Variants in TSEN34 observed in about 807,000 individuals in gnomAD.
TSEN34 encodes the protein tRNA-splicing endonuclease subunit Sen34.
TSEN34 carries 25 observed loss-of-function variants against 30.2 expected under a neutral mutation model. That is an observed-to-expected ratio of 0.83 (90% CI 0.60 to 1.16). TSEN34 has a LOEUF of 1.16. Ranked by LOEUF, TSEN34 falls within the 50% of genes most tolerant of loss-of-function variation. The pLI, the probability that TSEN34 is intolerant of heterozygous loss-of-function variation, is 0.00. For synonymous variants in TSEN34, 209 were observed against 177.4 expected (o/e 1.18, Z -1.41); for missense variants, 475 against 411.9 (o/e 1.15, Z -1.33).
In TSEN34 at chr19:54,192,262, G is replaced by T. The variant is rs2076737250; in HGVS notation, c.634G>T (p.Ala212Ser). The change falls in exon 3 of 4, where the codon GCC (alanine) becomes TCC (serine). Residue 212 changes from alanine to serine, a missense_variant. Transcript: ENST00000396388. The part of the protein sequence containing the change: ...WRVQSKDWPH[A>S]GRPAHELRYS... ...TGTCCAGTCTAAAGACTGGCCCCAC[G>T]CCGGCCGCCCTGCCCACGAGCTGCG... 1 of 1,613,756 alleles carries T rather than the reference G, an allele frequency of 6.2e-7. No individual in the cohort carries two copies. The highest frequency in any genetic ancestry group is 8.5e-7 in the Non-Finnish European group (1 of 1,179,984).
rs375707998 is a variant in TSEN34 at position 54,194,183 on chromosome 19, A to G, written c.*821A>G. The G allele has an allele frequency of 1.6e-4, 26 of 158,630 alleles. No homozygotes were observed. In the East Asian group the frequency reaches 2.0e-3, roughly 12 times the overall value. The allele number at this position is 158,630 out of a possible 1,614,324, so 9.8% of individuals were successfully genotyped here. On this transcript the variant is annotated 3_prime_UTR_variant, in exon 4 of 4. Transcript: ENST00000396388. The stretch of plus-strand genomic sequence containing the variant: ...AAAAAATATATATATGTGTGTGTGT[A>G]TATATGTAAATATACACACATGTAT...
chr19:54,190,888 G>T (rs865940518), upstream of TSEN34: 6 of 1,044,928 alleles, frequency 5.7e-6, no homozygotes, highest in African/African-American at 1.0e-4. Context: ...GGCCTCGGCG[G>T]TGCCTTAGCC....
At position 54,193,215 on chromosome 19, in the gene TSEN34, C is replaced by T. The variant is rs749845322; in HGVS notation, c.786C>T (p.Cys262=). 8.6e-5 allele frequency: 139 copies of T among 1,614,052 alleles called. 2 individuals are homozygous for T. Among genetic ancestry groups the T allele is most frequent in the Middle Eastern group, 6.7e-4 (4 of 6,008 alleles). The change falls in exon 4 of 4, where the codon TGC becomes TGT. Residue 262 remains cysteine (C), a synonymous_variant. Transcript: ENST00000396388. ...LRFHAHYIAQ[C]WAPEDTIPLQ... ...TCCACGCCCATTATATCGCTCAGTG[C>T]TGGGCCCCTGAGGACACCATCCCAC...
Position 54,191,751 on chromosome 19 carries a change from G to C in TSEN34, c.274G>C (p.Glu92Gln), listed in dbSNP as rs200274242. The change falls in exon 2 of 4, where the codon GAG (glutamate) becomes CAG (glutamine). Residue 92 changes from glutamate (E) to glutamine (Q), a missense_variant. Transcript: ENST00000396388. ...GACATCCTTCAAGCGCCAGCAAGAG[G>C]AGAGCTTCCAGGAGCAGAGCGCCTT... is the stretch of plus-strand genomic sequence containing the variant. ...ALTSFKRQQEESFQEQSALAA... is the reference protein window; with the variant it reads ...ALTSFKRQQEQSFQEQSALAA... 95 of 1,614,182 alleles carry C rather than the reference G, an allele frequency of 5.9e-5. No individual in the cohort carries two copies. Among genetic ancestry groups the C allele is most frequent in the Non-Finnish European group, 7.8e-5 (92 of 1,180,042 alleles).
chr19:54,193,951 C>T lies in TSEN34; in HGVS notation c.*589C>T, dbSNP rs2076802048. ...ACGATGACCCACACCTGTAATCCCA[C>T]AGAACTTTTGGAGGCCAAGGCAGGG... On this transcript the variant is annotated 3_prime_UTR_variant, in exon 4 of 4. Transcript: ENST00000396388. 2.3e-6 allele frequency: 1 copy of T among 442,242 alleles called. No homozygotes were observed. Among genetic ancestry groups the T allele is most frequent in the African/African-American group, 2.0e-5 (1 of 50,026 alleles). 27.4% of individuals were successfully genotyped at this position (442,242 alleles called of 1,614,324 possible).
chr19:54,191,802 C>A lies in TSEN34; in HGVS notation c.325C>A (p.Arg109Ser). Residue 109 changes from arginine (R) to serine (S), a missense_variant, in exon 2 of 4, where the codon CGT becomes AGT. Physicochemically the swap from Arg to Ser is moderately radical, Grantham distance 110. Coordinates refer to ENST00000396388, the MANE Select transcript of TSEN34 (RefSeq NM_001077446.4). ...ALAAEARETRRQELLEKITEG... is the reference protein window; with the variant it reads ...ALAAEARETRSQELLEKITEG... ...GGCAGCTGAGGCCCGGGAGACCCGT[C>A]GTCAGGAGCTCCTGGAGAAGATTAC... 6.2e-7 allele frequency: 1 copy of A among 1,614,186 alleles called. No individual in the cohort carries two copies. Among genetic ancestry groups the A allele is most frequent in the Non-Finnish European group, 8.5e-7 (1 of 1,180,038 alleles).
chr19:54,192,549 A>G (rs527974559), intron 3 of TSEN34, among the ~76,000 whole-genome samples, 176 bp downstream of exon 3: 1 of 151,856 alleles, frequency 6.6e-6, no homozygotes, highest in South Asian at 2.1e-4. Flanking sequence ...AAGTGCTGGA[A>G]TTATAGGCCC....
At chr19:54,192,516 A>T (rs2076749270) in intron 3 of TSEN34, 143 bp downstream of exon 3, 1 of 1,162,984 alleles carries the variant, frequency 8.6e-7, no homozygotes, top group Admixed American at 2.3e-5. Flanking sequence ...GGGCTCAAGC[A>T]ATCCTTCCAC....
At chr19:54,190,803 G>A (rs1184640893), upstream of TSEN34, 1 of 1,089,508 alleles carries the variant, frequency 9.2e-7, no homozygotes, top group East Asian at 5.7e-5. Flanking sequence ...GTCTGAGAGC[G>A]AGGAGGTCCG....
chr19:54,191,123 G>C, upstream of TSEN34: 1 of 1,337,200 alleles, frequency 7.5e-7, no homozygotes, highest in Non-Finnish European at 9.5e-7. Flanking sequence ...GGCGAGGGGA[G>C]AGGGTCGGGG....
chr19:54,190,786 T>C, upstream of TSEN34: 1 of 1,112,982 alleles, frequency 9.0e-7, no homozygotes, highest in Non-Finnish European at 1.1e-6. Context: ...GGTTTTGTAC[T>C]GTGGGAGTCT....
At chr19:54,193,059 T>C in intron 3 of TSEN34, 116 bp from the exon 4 acceptor site, 1 of 1,521,268 alleles carries the variant, frequency 6.6e-7, no homozygotes, top group Admixed American at 1.7e-5. Context: ...AGCATCTGTT[T>C]TAGAGTATCT....
chr19:54,192,209 C>G lies in TSEN34; in HGVS notation c.581C>G (p.Pro194Arg). 1.9e-6 allele frequency: 3 copies of G among 1,614,174 alleles called. No homozygotes were observed. The highest frequency in any genetic ancestry group is 1.1e-5 in the South Asian group (1 of 91,086). Residue 194 changes from proline (P) to arginine (R), a missense_variant, in exon 3 of 4, where the codon CCG becomes CGG. Coordinates refer to ENST00000396388, the MANE Select transcript of TSEN34 (RefSeq NM_001077446.4). ...LVQLATARPRPVKARPLDWRV... is the reference protein window; with the variant it reads ...LVQLATARPRRVKARPLDWRV... Reference sequence around the variant, plus strand: ...CAGCTGGCCACTGCCAGGCCTCGACCGGTCAAGGCCAGGCCCCTGGACTGG... The same window carrying G: ...CAGCTGGCCACTGCCAGGCCTCGACGGGTCAAGGCCAGGCCCCTGGACTGG...
Position 54,191,330 on chromosome 19 carries a change from CG to C in TSEN34, c.-33del. ...AGCGGTCCGCGGCGCGCAGCTGTTT[CG>C]GTAACTGCTTTGCCTCCCGGCTCCC... is the stretch of plus-strand genomic sequence containing the variant. On this transcript the variant is annotated 5_prime_UTR_variant, in exon 1 of 4. Transcript: ENST00000396388. 1 of 1,548,380 alleles carries C rather than the reference CG, an allele frequency of 6.5e-7. No individual in the cohort carries two copies. The highest frequency in any genetic ancestry group is 2.0e-5 in the Admixed American group (1 of 51,004).
chr19:54,191,576 C>G lies in TSEN34; in HGVS notation c.212C>G (p.Ala71Gly). 6.2e-7 allele frequency: 1 copy of G among 1,602,506 alleles called. No homozygotes were observed. Among genetic ancestry groups the G allele is most frequent in the South Asian group, 1.1e-5 (1 of 91,040 alleles). The change falls in exon 1 of 4, where the codon GCC becomes GGC. Residue 71 changes from alanine (A) to glycine (G), a missense_variant. Ala to Gly is a moderately conservative substitution (Grantham distance 60, BLOSUM62 0). Coordinates refer to ENST00000396388, the MANE Select transcript of TSEN34 (RefSeq NM_001077446.4). ...ATCGGCGCCGTGACTCTGGTCAGCG[C>G]CCCGCGTCCAGACTCTCGGCACCAC... ...AEIGAVTLVSAPRPDSRHHSL... is the reference protein window; with the variant it reads ...AEIGAVTLVSGPRPDSRHHSL...
upstream of TSEN34, chr19:54,189,972 A>T (rs1322660830): frequency 2.5e-6 from 1 of 396,130 alleles, no homozygotes; most frequent in Non-Finnish European, 4.6e-6. Flanking sequence ...ATAGTTGGGT[A>T]CAAGTGACGC....
In TSEN34 at chr19:54,193,296, C is replaced by T. The variant is rs745356537; in HGVS notation, c.867C>T (p.Leu289=). 7 of 1,614,178 alleles carry T rather than the reference C, an allele frequency of 4.3e-6. No individual in the cohort carries two copies. The highest frequency in any genetic ancestry group is 2.2e-5 in the East Asian group (1 of 44,890). The part of the protein sequence containing the change: ...RLGTSVRKTL[L]LCSPQPDGKV... ...GAACCAGCGTCAGAAAGACCCTGCT[C>T]CTCTGTTCTCCGCAGCCTGATGGTA... Residue 289 remains leucine (L), a synonymous_variant, in exon 4 of 4, where the codon CTC becomes CTT. Transcript: ENST00000396388.
upstream of TSEN34, chr19:54,190,338 G>A (rs1169545625): frequency 2.0e-6 from 3 of 1,529,274 alleles, no homozygotes; most frequent in Admixed American, 6.2e-5. Flanking sequence ...CGCAGTGGGT[G>A]GCTCCACCTC....
In TSEN34 at chr19:54,194,422, CACA is replaced by C. The variant is rs2076820941; in HGVS notation, c.*1061_*1063del. 6.6e-6 allele frequency: 1 copy of C among 152,054 alleles called. No individual in the cohort carries two copies. The highest frequency in any genetic ancestry group is 1.9e-4 in the East Asian group (1 of 5,198). 9.4% of individuals were successfully genotyped at this position (152,054 alleles called of 1,614,324 possible). A position where few individuals can be genotyped will look rare whatever the true frequency, so the allele number is the denominator to read the frequency against. The stretch of plus-strand genomic sequence containing the variant: ...TCTGCAATTTTTATAAAAGCTAAAA[CACA>C]TGTATTTGTAAAAAATTTGCACTTA... On this transcript the variant is annotated 3_prime_UTR_variant, in exon 4 of 4. Coordinates refer to ENST00000396388, the MANE Select transcript of TSEN34 (RefSeq NM_001077446.4).
Sources: gnomAD v4.1 joint callset for allele counts (sites outside exome capture counted in the v4.1 genomes callset) on GRCh38, gnomAD v4.1.1 for gene constraint, MANE v1.5 for transcripts, NCBI Gene and HGNC (gene_info 2026-07-23, HGNC 2026-07-21) for gene names.